LRP1B: variants seen among roughly 807,000 people sequenced by gnomAD.
LRP1B encodes LDL receptor related protein 1B, also known as low-density lipoprotein receptor-related protein 1B.
LRP1B carries 217 observed loss-of-function variants against 556.6 expected under a neutral mutation model. The ratio of observed to expected loss-of-function variants is 0.39; its 90% confidence interval spans 0.35 to 0.44. The LOEUF (loss-of-function observed/expected upper bound fraction) is 0.44. Among genes scored for constraint, LRP1B ranks in the 20% least tolerant of loss-of-function variants. The pLI is 1.00. For missense variants in LRP1B, 5,053 were observed against 5,620.8 expected (o/e 0.90, Z 3.23); for synonymous variants, 2,047 against 1,865.8 (o/e 1.10, Z -2.50).
At chr2:142,002,134 G>T (rs1019503080) in intron 1 of LRP1B, among the ~76,000 whole-genome samples, 4 of 152,046 alleles carry the variant, frequency 2.6e-5, no homozygotes, top group Non-Finnish European at 4.4e-5. Context: ...ACTTTAAAAA[G>T]ATTTTTTAAA....
At chr2:140,557,845 T>G (rs1333811453) in intron 43 of LRP1B, among the ~76,000 whole-genome samples, 1 of 152,132 alleles carries the variant, frequency 6.6e-6, no homozygotes, top group Admixed American at 6.6e-5. Flanking sequence ...CTCAATGCCC[T>G]TATTCAGCTC....
intron 43 of LRP1B, among the ~76,000 whole-genome samples, chr2:140,576,286 C>G (rs1681522870): frequency 6.6e-6 from 1 of 152,194 alleles, no homozygotes; most frequent in Non-Finnish European, 1.5e-5. Context: ...TTTGCAGACT[C>G]TCAAATGTGT....
intron 43 of LRP1B, among the ~76,000 whole-genome samples, chr2:140,592,265 T>G (rs934822500): frequency 1.3e-5 from 2 of 152,184 alleles, no homozygotes; most frequent in Admixed American, 6.5e-5. Flanking sequence ...AATAGAGAGT[T>G]AAGAACCATA....
At chr2:142,001,323 G>A (rs995292960) in intron 1 of LRP1B, among the ~76,000 whole-genome samples, 1 of 152,018 alleles carries the variant, frequency 6.6e-6, no homozygotes, top group African/African-American at 2.4e-5. Flanking sequence ...TGTGCATTGG[G>A]GCTATTGCCT....
chr2:141,686,278 A>T (rs899486118), intron 2 of LRP1B, among the ~76,000 whole-genome samples: 4 of 151,988 alleles, frequency 2.6e-5, no homozygotes, highest in African/African-American at 9.7e-5. Flanking sequence ...AATATATGTC[A>T]TGTGTCATGT....
chr2:140,263,405 G>T (rs1245804770), intron 86 of LRP1B, among the ~76,000 whole-genome samples: 2 of 152,040 alleles, frequency 1.3e-5, no homozygotes, highest in Non-Finnish European at 2.9e-5. Context: ...TATAGCAAAT[G>T]ACTTTTCAGC....
intron 84 of LRP1B, among the ~76,000 whole-genome samples, chr2:140,293,946 G>A (rs573852917): frequency 1.2e-4 from 19 of 152,116 alleles, no homozygotes; most frequent in Admixed American, 5.2e-4. Context: ...GGTGGGAAGC[G>A]CTCTGACTAC....
intron 7 of LRP1B, among the ~76,000 whole-genome samples, chr2:141,129,861 A>C (rs1701306283): frequency 6.6e-6 from 1 of 151,780 alleles, no homozygotes; most frequent in Admixed American, 6.6e-5. Context: ...TAAAGGTAAA[A>C]AAACTGATTG....
intron 83 of LRP1B, among the ~76,000 whole-genome samples, chr2:140,307,938 T>G (rs749125261): frequency 2.0e-5 from 3 of 151,816 alleles, no homozygotes; most frequent in Non-Finnish European, 2.9e-5. Context: ...GAATTCTTAT[T>G]TATAGAGCAT....
intron 11 of LRP1B, among the ~76,000 whole-genome samples, chr2:141,031,251 TCACACACACA>T (rs72098612): frequency 3.3e-5 from 4 of 121,558 alleles, no homozygotes; most frequent in African/African-American, 1.2e-4. Context: ...TATATACATA[TCACACACACA>T]CACACACACA....
chr2:140,941,514 C>T (rs1166659783), intron 20 of LRP1B, among the ~76,000 whole-genome samples: 1 of 152,116 alleles, frequency 6.6e-6, no homozygotes, highest in Non-Finnish European at 1.5e-5. Context: ...CATTGAAATA[C>T]GAAAGACATG....
intron 41 of LRP1B, among the ~76,000 whole-genome samples, chr2:140,691,812 AT>A (rs992365008): frequency 6.6e-6 from 1 of 152,184 alleles, no homozygotes; most frequent in African/African-American, 2.4e-5. Context: ...AAAAGTGATT[AT>A]TTTGAAAGTT....
chr2:141,106,101 G>C (rs528072513), intron 7 of LRP1B, among the ~76,000 whole-genome samples: 95 of 152,176 alleles, frequency 6.2e-4, no homozygotes, highest in Middle Eastern at 3.4e-3. Context: ...TCATGATTTG[G>C]TACTTCATCT....
chr2:140,890,065 A>G (rs947322400), intron 23 of LRP1B, among the ~76,000 whole-genome samples: 2 of 150,502 alleles, frequency 1.3e-5, no homozygotes, highest in African/African-American at 4.9e-5. Context: ...GTAGAATGTT[A>G]TAGAGCAGTT....
At chr2:141,010,526 T>C (rs1697709743) in intron 14 of LRP1B, among the ~76,000 whole-genome samples, 1 of 151,968 alleles carries the variant, frequency 6.6e-6, no homozygotes, top group South Asian at 2.1e-4. Context: ...CAAGTCTCTT[T>C]TTTTTTTAGA....
chr2:140,759,469 C>T (rs574425753), intron 35 of LRP1B, among the ~76,000 whole-genome samples: 1 of 152,126 alleles, frequency 6.6e-6, no homozygotes, highest in African/African-American at 2.4e-5. Flanking sequence ...AGGAAACAAA[C>T]TTTAAGACTA....
chr2:141,624,442 G>T (rs1688630569), intron 2 of LRP1B, among the ~76,000 whole-genome samples: 1 of 152,220 alleles, frequency 6.6e-6, no homozygotes, highest in Admixed American at 6.5e-5. Flanking sequence ...CAAAACTGTG[G>T]TTTATCTTTG....
chr2:141,345,771 CTG>C (rs1485769745), intron 3 of LRP1B, among the ~76,000 whole-genome samples: 2 of 151,660 alleles, frequency 1.3e-5, no homozygotes, highest in African/African-American at 4.8e-5. Context: ...TCCCAAAACC[CTG>C]GGATTACAGG....
In LRP1B at chr2:141,092,863, G is replaced by A. The variant is rs76551603; in HGVS notation, c.1014-30590C>T. Among the ~76,000 whole-genome samples the A allele has an allele frequency of 3.2e-3, 488 of 152,276 alleles. 31 individuals are homozygous for A. In the East Asian group the frequency reaches 0.079, roughly 25 times the overall value. ...ACATACTCAGCTTATTGTTAACCTCGATAAGAGTAGTTGCATTGGAGAATC... is the reference window on the plus strand; with the variant it reads ...ACATACTCAGCTTATTGTTAACCTCAATAAGAGTAGTTGCATTGGAGAATC... On this transcript the variant is annotated intron_variant, in intron 7 of 90. Transcript: ENST00000389484.
Sources: gnomAD v4.1 joint callset for allele counts (sites outside exome capture counted in the v4.1 genomes callset) on GRCh38, gnomAD v4.1.1 for gene constraint, MANE v1.5 for transcripts, NCBI Gene and HGNC (gene_info 2026-07-23, HGNC 2026-07-21) for gene names.